Variants in RAPGEF2 observed in about 807,000 individuals in gnomAD.
RAPGEF2 encodes the protein PDZ domain containing guanine nucleotide exchange factor (GEF) 1.
A neutral mutation model predicts 186.7 loss-of-function variants in RAPGEF2; 54 were observed. The ratio of observed to expected loss-of-function variants is 0.29; its 90% CI spans 0.23 to 0.36. The LOEUF (loss-of-function observed/expected upper bound fraction) is 0.36, where lower values mean the gene tolerates loss of function less well. RAPGEF2 is among the 10% of genes least tolerant of loss of function. RAPGEF2 has a pLI of 1.00. For synonymous variants in RAPGEF2, 712 were observed against 705.9 expected, an observed-to-expected ratio of 1.01 and a Z score of -0.14; for missense variants, 1,532 against 2,045.0, an observed-to-expected ratio of 0.75 and a Z score of 4.84.
chr4:159,112,110 C>G (rs748064416), intron 1 of RAPGEF2, among the ~76,000 whole-genome samples: 5 of 152,144 alleles, frequency 3.3e-5, no homozygotes, highest in Non-Finnish European at 7.4e-5. Flanking sequence ...CCTCCCCCTG[C>G]GCAGCATCAT....
intron 2 of RAPGEF2, among the ~76,000 whole-genome samples, chr4:159,192,350 G>A (rs1249161457): frequency 1.3e-5 from 2 of 152,172 alleles, no homozygotes; most frequent in South Asian, 2.1e-4. Flanking sequence ...TTAGCAAACC[G>A]AGGAAAGAAA....
At chr4:159,273,628 TTCTTTCTTTC>T (rs767013892) in intron 7 of RAPGEF2, among the ~76,000 whole-genome samples, 474 of 13,790 alleles carry the variant, frequency 0.034, 1 homozygote, top group African/African-American at 0.061. Context: ...AGTAATCAGT[TTCTTTCTTTC>T]TTTCTTTCTT....
chr4:159,285,528 A>G (rs1760341741), intron 7 of RAPGEF2, among the ~76,000 whole-genome samples: 1 of 152,214 alleles, frequency 6.6e-6, no homozygotes, highest in Non-Finnish European at 1.5e-5. Flanking sequence ...TTAGGTTTCT[A>G]TGTTTGGAGG....
chr4:159,307,784 C>T lies in RAPGEF2; in HGVS notation c.675+3311C>T, dbSNP rs10034006. ...GCCAGGAATCTAAGACCAGCCTGGC[C>T]AACATGGTGAAACCCCATCTCTACT... On this transcript the variant is annotated intron_variant, in intron 8 of 29. Transcript: ENST00000691494. 8.1e-3 allele frequency among the ~76,000 whole-genome samples: 1,237 copies of T among 152,212 alleles called. 13 individuals carry two copies. The highest frequency in any genetic ancestry group is 0.028 in the African/African-American group (1,166 of 41,528).
At chr4:159,168,952 G>A (rs1225620840) in intron 1 of RAPGEF2, among the ~76,000 whole-genome samples, 3 of 152,288 alleles carry the variant, frequency 2.0e-5, no homozygotes, top group East Asian at 1.9e-4. Context: ...TCTGACAACC[G>A]TTATTCATAA....
In RAPGEF2 at chr4:159,103,171, G is replaced by C. The variant is rs1435042840; in HGVS notation, c.-992G>C. ...GCCGCTTCCCAAACACTCTCTCCGA[G>C]GGGGCTGTGCGCGGCTCTCGGCTTT... On this transcript the variant is annotated 5_prime_UTR_variant, in exon 1 of 30. Transcript: ENST00000691494. The C allele has an allele frequency of 2.0e-5, 3 of 151,934 alleles. No individual in the cohort carries two copies. Among genetic ancestry groups the C allele is most frequent in the Non-Finnish European group, 4.4e-5 (3 of 68,014 alleles). 9.4% of individuals were successfully genotyped at this position (151,934 alleles called of 1,614,324 possible).
chr4:159,174,243 A>G (rs1178836395), intron 1 of RAPGEF2, among the ~76,000 whole-genome samples: 2 of 152,238 alleles, frequency 1.3e-5, no homozygotes, highest in African/African-American at 4.8e-5. Flanking sequence ...GCTAAACATA[A>G]CACCCAGTTG....
At chr4:159,265,201 G>C (rs1757296330) in intron 7 of RAPGEF2, among the ~76,000 whole-genome samples, 1 of 152,178 alleles carries the variant, frequency 6.6e-6, no homozygotes. Flanking sequence ...GCTTGGTGCG[G>C]TGAACACAGG....
At chr4:159,159,848 T>C (rs1375661886) in intron 1 of RAPGEF2, among the ~76,000 whole-genome samples, 4 of 152,218 alleles carry the variant, frequency 2.6e-5, no homozygotes, top group African/African-American at 4.8e-5. Context: ...TCCTTTTTCT[T>C]TATTTAGGAG....
At chr4:159,250,791 C>G (rs1303682008) in intron 7 of RAPGEF2, among the ~76,000 whole-genome samples, 1 of 150,830 alleles carries the variant, frequency 6.6e-6, no homozygotes, top group Non-Finnish European at 1.5e-5. Context: ...CGCTTGCTCT[C>G]GGCGCCTCGG....
At chr4:159,319,361 T>A (rs1458316622) in intron 9 of RAPGEF2, among the ~76,000 whole-genome samples, 1 of 152,126 alleles carries the variant, frequency 6.6e-6, no homozygotes, top group Admixed American at 6.6e-5. Flanking sequence ...GTGCACTCCC[T>A]ATGAGACTGT....
chr4:159,120,844 T>A (rs905141378), intron 1 of RAPGEF2, among the ~76,000 whole-genome samples: 12 of 152,218 alleles, frequency 7.9e-5, no homozygotes, highest in East Asian at 3.9e-4. Context: ...CTTTTTTTTT[T>A]AATTTTTAAA....
intron 1 of RAPGEF2, among the ~76,000 whole-genome samples, chr4:159,146,976 G>A (rs114476563): frequency 0.01 from 1,584 of 152,210 alleles, 31 homozygotes; most frequent in African/African-American, 0.036. Flanking sequence ...CTTATTTTTT[G>A]TAGAGATGGA....
chr4:159,267,920 G>T, intron 7 of RAPGEF2: 1 of 1,265,414 alleles, frequency 7.9e-7, no homozygotes, highest in African/African-American at 1.5e-5. Context: ...AGGATGGTTA[G>T]AGTTTCAATG....
intron 8 of RAPGEF2, among the ~76,000 whole-genome samples, chr4:159,311,101 T>G (rs549080711): frequency 6.6e-6 from 1 of 152,278 alleles, no homozygotes; most frequent in East Asian, 1.9e-4. Flanking sequence ...TTTGTTTTGC[T>G]TACATTGAAC....
intron 7 of RAPGEF2, among the ~76,000 whole-genome samples, chr4:159,302,333 C>A (rs959971320): frequency 1.1e-5 from 1 of 92,762 alleles, no homozygotes; most frequent in Non-Finnish European, 2.3e-5. Flanking sequence ...TCATTTGACA[C>A]GTTAATTTTT....
At chr4:159,263,990 C>A (rs987166946) in intron 7 of RAPGEF2, among the ~76,000 whole-genome samples, 1 of 152,052 alleles carries the variant, frequency 6.6e-6, no homozygotes, top group Non-Finnish European at 1.5e-5. Context: ...TTTTTCTTAA[C>A]AAGATCTAGT....
At chr4:159,196,525 A>G (rs763449546) in intron 3 of RAPGEF2, among the ~76,000 whole-genome samples, 27 of 147,862 alleles carry the variant, frequency 1.8e-4, no homozygotes, top group Admixed American at 5.5e-4. Context: ...TGCCAGGTAA[A>G]TATAATACTC....
chr4:159,309,324 C>T (rs1312902933), intron 8 of RAPGEF2, among the ~76,000 whole-genome samples: 4 of 152,102 alleles, frequency 2.6e-5, no homozygotes, highest in Admixed American at 2.6e-4. Context: ...GCCAATTGAA[C>T]CAATTATTAA....
Sources: gnomAD v4.1 joint callset for allele counts (sites outside exome capture counted in the v4.1 genomes callset) on GRCh38, gnomAD v4.1.1 for gene constraint, MANE v1.5 for transcripts, NCBI Gene and HGNC (gene_info 2026-07-23, HGNC 2026-07-21) for gene names.